The following DIS3L2 variants were observed in gnomAD, a reference collection of about 807,000 sequenced individuals.
DIS3L2 encodes DIS3 like 3'-5' exoribonuclease 2.
Under a neutral mutation model 97.5 loss-of-function variants are expected in DIS3L2, and 34 were observed. The observed-to-expected ratio is 0.35, with a 90% CI of 0.27 to 0.46. The LOEUF is 0.46. Among genes scored for constraint, DIS3L2 ranks in the 20% least tolerant of loss-of-function variants. DIS3L2 has a pLI of 1.00. For synonymous variants in DIS3L2, 435 were observed against 445.2 expected (o/e 0.98, Z 0.29); for missense variants, 1,038 against 1,146.0 (o/e 0.91, Z 1.36).
chr2:232,325,358 T>C lies in DIS3L2; in HGVS notation c.1740-4455T>C, dbSNP rs898707809. ...TCTTTAGAGGAACGTTTGTGCACTG[T>C]GGGAACCTCTGTCTCTACCAGTGTC... On this transcript the variant is annotated intron_variant, in intron 14 of 20. Coordinates refer to ENST00000325385, the MANE Select transcript of DIS3L2 (RefSeq NM_152383.5). This position sits in a 1 kb window ranked among gnomAD's most constrained non-coding sequence, Gnocchi z 4.6. Among the ~76,000 whole-genome samples the C allele has an allele frequency of 2.0e-5, 3 of 152,218 alleles. No individual in the cohort carries two copies. Among genetic ancestry groups the C allele is most frequent in the Non-Finnish European group, 2.9e-5 (2 of 68,032 alleles).
At chr2:232,340,521 C>G (rs981461604), downstream of DIS3L2, among the ~76,000 whole-genome samples, 14 of 152,176 alleles carry the variant, frequency 9.2e-5, no homozygotes, top group Non-Finnish European at 1.6e-4. Flanking sequence ...TGAACGGTCT[C>G]TGGGCCAGGA....
chr2:232,285,597 G>C (rs2106306007), intron 13 of DIS3L2, among the ~76,000 whole-genome samples: 1 of 152,346 alleles, frequency 6.6e-6, no homozygotes, highest in African/African-American at 2.4e-5. Flanking sequence ...GAAGAAACAG[G>C]AAGTGTGGCC....
chr2:232,149,331 A>G (rs1262837524), intron 8 of DIS3L2, among the ~76,000 whole-genome samples: 4 of 132,372 alleles, frequency 3.0e-5, no homozygotes, highest in African/African-American at 8.7e-5. Context: ...ATATCTCCCA[A>G]TGCTATCCCT....
At chr2:232,202,600 C>T (rs1218114706) in intron 9 of DIS3L2, among the ~76,000 whole-genome samples, 2 of 152,186 alleles carry the variant, frequency 1.3e-5, no homozygotes, top group Non-Finnish European at 2.9e-5. Context: ...GTTGACCTTT[C>T]TGAGGACCCG....
chr2:232,107,439 C>T, intron 6 of DIS3L2, among the ~76,000 whole-genome samples: 1 of 152,142 alleles, frequency 6.6e-6, no homozygotes, highest in East Asian at 1.9e-4. Flanking sequence ...GTGGCTCACG[C>T]CTGTAATCCC....
chr2:232,249,468 G>A, intron 12 of DIS3L2, 122 bp downstream of exon 12: 1 of 1,046,186 alleles, frequency 9.6e-7, no homozygotes, highest in South Asian at 1.5e-5. Flanking sequence ...GAGGTATGGA[G>A]TAGCCATCAT....
intron 14 of DIS3L2, among the ~76,000 whole-genome samples, chr2:232,316,148 G>A (rs1012061741): frequency 2.6e-5 from 4 of 152,154 alleles, no homozygotes; most frequent in African/African-American, 4.8e-5. Context: ...ATGCCACTGC[G>A]GCTTCACAGT....
chr2:232,314,436 C>G (rs536183905), intron 14 of DIS3L2, among the ~76,000 whole-genome samples: 3 of 151,464 alleles, frequency 2.0e-5, no homozygotes, highest in African/African-American at 7.2e-5. Context: ...GAGCAGGCCC[C>G]GGAGGCCTCA....
intron 8 of DIS3L2, among the ~76,000 whole-genome samples, chr2:232,149,323 A>G (rs940823233): frequency 1.4e-5 from 2 of 139,728 alleles, no homozygotes; most frequent in African/African-American, 5.4e-5. Context: ...CATTAGGTAT[A>G]TCTCCCAATG....
At chr2:232,141,565 GAA>G (rs2106359634) in intron 8 of DIS3L2, among the ~76,000 whole-genome samples, 1 of 152,270 alleles carries the variant, frequency 6.6e-6, no homozygotes, top group East Asian at 1.9e-4. Flanking sequence ...GGAGGCTGTG[GAA>G]ATGAGAAACA....
Position 232,329,921 on chromosome 2 carries a change from G to T in DIS3L2, c.1848G>T (p.Arg616Ser), listed in dbSNP as rs763093753. 20 of 1,613,118 alleles carry T rather than the reference G, an allele frequency of 1.2e-5. No individual in the cohort carries two copies. The highest frequency in any genetic ancestry group is 1.7e-5 in the Non-Finnish European group (20 of 1,179,786). ...GCCGGCACCCCCCGCCCCAAACAAG[G>T]ATGCTCAGTGACCTGGTGGAATTCT... ...LLRRHPPPQT[R>S]MLSDLVEFCD... Residue 616 changes from arginine (R) to serine (S), a missense_variant, in exon 15 of 21, where the codon AGG (arginine) becomes AGT (serine). Arg to Ser is a moderately radical substitution (Grantham distance 110, BLOSUM62 -1). Coordinates refer to ENST00000325385, the MANE Select transcript of DIS3L2 (RefSeq NM_152383.5).
chr2:232,322,250 C>A (rs1220543808), intron 14 of DIS3L2, among the ~76,000 whole-genome samples: 1 of 152,232 alleles, frequency 6.6e-6, no homozygotes, highest in African/African-American at 2.4e-5. Context: ...GTGTCAGGGA[C>A]CCTGGGTCTG....
At chr2:232,162,207 T>C (rs1394860294) in intron 8 of DIS3L2, among the ~76,000 whole-genome samples, 2 of 152,230 alleles carry the variant, frequency 1.3e-5, no homozygotes, top group Non-Finnish European at 1.5e-5. Flanking sequence ...TTGATGTGTT[T>C]TATGGGAGAG....
chr2:232,148,748 CTTTTTTTTTTTTT>C (rs34837114), intron 8 of DIS3L2, among the ~76,000 whole-genome samples: 2 of 98,900 alleles, frequency 2.0e-5, no homozygotes, highest in Non-Finnish European at 3.8e-5. Context: ...AATTTTCTTT[CTTTTTTTTTTTTT>C]TTTTTTTTTT....
At chr2:232,074,724 A>G (rs1696133502) in intron 5 of DIS3L2, among the ~76,000 whole-genome samples, 1 of 151,944 alleles carries the variant, frequency 6.6e-6, no homozygotes, top group African/African-American at 2.4e-5. Flanking sequence ...AGCTGGGACC[A>G]CAGGCGCATG....
At chr2:232,256,474 A>G (rs546641950) in intron 12 of DIS3L2, among the ~76,000 whole-genome samples, 1 of 152,312 alleles carries the variant, frequency 6.6e-6, no homozygotes, top group African/African-American at 2.4e-5. Flanking sequence ...AGAATTGGAC[A>G]TTGTAGAACT....
chr2:232,167,025 AT>A (rs1690844877), intron 9 of DIS3L2, among the ~76,000 whole-genome samples: 1 of 151,390 alleles, frequency 6.6e-6, no homozygotes, highest in Non-Finnish European at 1.5e-5. Flanking sequence ...AAAAAAAAAA[AT>A]TACTTTAACC....
intron 9 of DIS3L2, among the ~76,000 whole-genome samples, chr2:232,182,236 A>G (rs577321299): frequency 6.6e-6 from 1 of 152,206 alleles, no homozygotes; most frequent in East Asian, 1.9e-4. Context: ...ATACTTGTGA[A>G]TTTCTCTAAT....
chr2:232,164,090 C>T (rs930995434), intron 9 of DIS3L2, among the ~76,000 whole-genome samples: 2 of 152,144 alleles, frequency 1.3e-5, no homozygotes, highest in Non-Finnish European at 2.9e-5. Context: ...TTACTGATCC[C>T]TGTTCTAGAC....
Sources: allele counts gnomAD v4.1 joint callset (sites outside exome capture counted in the v4.1 genomes callset), GRCh38; gene constraint gnomAD v4.1.1; non-coding constraint Gnocchi (gnomAD v3.1); transcripts MANE v1.5; gene names NCBI Gene and HGNC (gene_info 2026-07-23, HGNC 2026-07-21).